The following TENM2 variants were observed in gnomAD, a reference collection of about 807,000 sequenced individuals.
The protein encoded by TENM2 is teneurin transmembrane protein 2, also known as teneurin-2.
Under a neutral mutation model 245.2 loss-of-function variants are expected in TENM2, and 52 were observed. The ratio of observed to expected loss-of-function variants is 0.21; its 90% CI spans 0.17 to 0.27. TENM2 has a LOEUF of 0.27. TENM2 is among the 10% of genes least tolerant of loss of function. The pLI is 1.00. For missense variants in TENM2, 3,046 were observed against 3,666.8 expected (o/e 0.83, Z 4.37); for synonymous variants, 1,363 against 1,438.9 (o/e 0.95, Z 1.19).
intron 2 of TENM2, among the ~76,000 whole-genome samples, chr5:167,724,614 C>G (rs1759863183): frequency 6.6e-6 from 1 of 151,952 alleles, no homozygotes; most frequent in African/African-American, 2.4e-5. Context: ...AAGAAATAGG[C>G]CCAGGGAAAT....
At chr5:167,118,501 A>C in the TENM2 span, among the ~76,000 whole-genome samples, 1 of 152,226 alleles carries the variant, frequency 6.6e-6, no homozygotes, top group Non-Finnish European at 1.5e-5. Context: ...GTTTCTGAGA[A>C]CCCTTTTGGA....
intron 2 of TENM2, among the ~76,000 whole-genome samples, chr5:167,431,974 T>C (rs937923448): frequency 7.0e-6 from 1 of 143,264 alleles, no homozygotes; most frequent in African/African-American, 2.7e-5. Context: ...TATATATATA[T>C]ATATGGAAGT....
intron 6 of TENM2, among the ~76,000 whole-genome samples, chr5:168,060,465 G>A (rs558515470): frequency 9.2e-5 from 14 of 152,158 alleles, no homozygotes; most frequent in East Asian, 1.9e-4. Flanking sequence ...TAAATAAACC[G>A]TCTAGTCCCC....
At chr5:167,072,779 G>T in the TENM2 span, among the ~76,000 whole-genome samples, 1 of 152,146 alleles carries the variant, frequency 6.6e-6, no homozygotes, top group African/African-American at 2.4e-5. Flanking sequence ...AAATGTAAAA[G>T]TCAGCAAAAT....
intron 15 of TENM2, 78 bp downstream of exon 17, chr5:168,195,373 AACC>A (rs1761320855): frequency 1.3e-6 from 2 of 1,512,384 alleles, no homozygotes; most frequent in Non-Finnish European, 1.8e-6. Flanking sequence ...GTTGGCTTGG[AACC>A]ACAGGATTCC....
At chr5:167,397,497 T>A (rs1053617187) in intron 2 of TENM2, among the ~76,000 whole-genome samples, 3 of 152,084 alleles carry the variant, frequency 2.0e-5, no homozygotes, top group African/African-American at 7.2e-5. Context: ...AACCGAGCAT[T>A]GAGTATGCGT....
chr5:167,753,538 T>C (rs899147126), intron 2 of TENM2, among the ~76,000 whole-genome samples: 6 of 152,316 alleles, frequency 3.9e-5, no homozygotes, highest in Non-Finnish European at 7.4e-5. Context: ...GAGTTGTGTT[T>C]TTACATGTAT....
At chr5:167,271,062 T>C in the TENM2 span, among the ~76,000 whole-genome samples, 1 of 152,120 alleles carries the variant, frequency 6.6e-6, no homozygotes, top group Admixed American at 6.5e-5. Flanking sequence ...GATTGTCTAG[T>C]GTGGCTTTCA....
chr5:167,270,810 T>A, the TENM2 span, among the ~76,000 whole-genome samples: 1 of 152,158 alleles, frequency 6.6e-6, no homozygotes, highest in Non-Finnish European at 1.5e-5. Flanking sequence ...CAGCTATCAG[T>A]CCCAATCTTG....
chr5:168,242,135 C>A (rs1766155288), intron 25 of TENM2, among the ~76,000 whole-genome samples: 1 of 152,186 alleles, frequency 6.6e-6, no homozygotes. Context: ...TAGCTCTCAG[C>A]TGAGTCAATT....
the TENM2 span, among the ~76,000 whole-genome samples, chr5:167,017,178 C>T: frequency 6.6e-6 from 1 of 152,162 alleles, no homozygotes; most frequent in East Asian, 1.9e-4. Context: ...TGAGGAGGGA[C>T]TAGGTAATTT....
chr5:168,069,466 A>C (rs1259677174), intron 7 of TENM2, among the ~76,000 whole-genome samples: 1 of 152,170 alleles, frequency 6.6e-6, no homozygotes, highest in African/African-American at 2.4e-5. Flanking sequence ...AGCTCTTATA[A>C]AAATGTCCTG....
chr5:167,900,820 G>A (rs942143529), intron 3 of TENM2, among the ~76,000 whole-genome samples: 9 of 151,448 alleles, frequency 5.9e-5, no homozygotes, highest in South Asian at 2.1e-4. Context: ...GAAGACTGGA[G>A]TGATTGGGGT....
intron 2 of TENM2, among the ~76,000 whole-genome samples, chr5:167,717,285 CCA>C (rs1759336160): frequency 1.3e-5 from 2 of 152,118 alleles, no homozygotes; most frequent in South Asian, 4.1e-4. Context: ...ACTACCAAGA[CCA>C]CTCTATCCTG....
chr5:167,758,969 G>C (rs1762486407), intron 2 of TENM2, among the ~76,000 whole-genome samples: 1 of 151,484 alleles, frequency 6.6e-6, no homozygotes, highest in Non-Finnish European at 1.5e-5. Context: ...TTTTACTATG[G>C]ATACCTTGAT....
At chr5:167,442,453 C>G (rs1425468955) in intron 2 of TENM2, among the ~76,000 whole-genome samples, 1 of 151,788 alleles carries the variant, frequency 6.6e-6, no homozygotes, top group Admixed American at 6.6e-5. Flanking sequence ...TATATATTGC[C>G]CAATTCCCTT....
chr5:167,363,899 A>G (rs1581847824), intron 1 of TENM2, among the ~76,000 whole-genome samples: 1 of 152,096 alleles, frequency 6.6e-6, no homozygotes, highest in East Asian at 1.9e-4. Context: ...AAACTAAACA[A>G]CAATTGAAAA....
intron 1 of TENM2, among the ~76,000 whole-genome samples, chr5:167,306,794 A>G (rs985914599): frequency 2.6e-5 from 4 of 152,200 alleles, no homozygotes; most frequent in African/African-American, 9.7e-5. Flanking sequence ...TCTTTCTCTA[A>G]CACAGATACA....
At chr5:167,780,392 G>A (rs1346388910) in intron 2 of TENM2, among the ~76,000 whole-genome samples, 1 of 152,210 alleles carries the variant, frequency 6.6e-6, no homozygotes, top group Non-Finnish European at 1.5e-5. Context: ...GCCAAACAAG[G>A]CAACACTCTG....
Sources: allele counts gnomAD v4.1 joint callset (sites outside exome capture counted in the v4.1 genomes callset), GRCh38; gene constraint gnomAD v4.1.1; transcripts MANE v1.5; gene names NCBI Gene and HGNC (gene_info 2026-07-23, HGNC 2026-07-21).